Variants in RNF125 observed in about 807,000 individuals in gnomAD.
RNF125 encodes ring finger protein 125.
RNF125 carries 21 observed loss-of-function variants against 26.0 expected under a neutral mutation model. The ratio of observed to expected loss-of-function variants is 0.81; its 90% CI spans 0.57 to 1.16. The LOEUF is 1.16. Ranked by LOEUF, RNF125 falls within the 50% of genes most tolerant of loss-of-function variation. The pLI is 0.00. For synonymous variants in RNF125, 95 were observed against 109.2 expected (o/e 0.87, Z 0.81); for missense variants, 270 against 299.4 (o/e 0.90, Z 0.72).
downstream of RNF125, among the ~76,000 whole-genome samples, chr18:32,076,523 C>T (rs116217567): frequency 6.4e-3 from 970 of 152,142 alleles, 14 homozygotes; most frequent in African/African-American, 0.023. Context: ...CACTATGTTG[C>T]CCAGGTTGGT....
At chr18:32,073,816 TG>T (rs1309653575), downstream of RNF125, among the ~76,000 whole-genome samples, 1 of 152,238 alleles carries the variant, frequency 6.6e-6, no homozygotes, top group Admixed American at 6.5e-5. Flanking sequence ...CCAGATCAGT[TG>T]AGAAGATTTA....
chr18:32,033,260 T>C (rs2144452628), intron 1 of RNF125, among the ~76,000 whole-genome samples: 1 of 152,282 alleles, frequency 6.6e-6, no homozygotes, highest in Non-Finnish European at 1.5e-5. Flanking sequence ...GTGTCTGTGT[T>C]TGTCAAAGTC....
the RNF125 span, among the ~76,000 whole-genome samples, chr18:32,082,183 A>G: frequency 6.6e-6 from 1 of 152,236 alleles, no homozygotes; most frequent in African/African-American, 2.4e-5. Flanking sequence ...TTGGACTGGT[A>G]TTCAGTACAT....
chr18:32,063,969 T>TG (rs1491394484), intron 4 of RNF125, among the ~76,000 whole-genome samples: 4 of 141,682 alleles, frequency 2.8e-5, no homozygotes, highest in African/African-American at 1.0e-4. Context: ...GGTCTGTATC[T>TG]TTTTTTTTTT....
At chr18:32,087,322 C>T in the RNF125 span, among the ~76,000 whole-genome samples, 1 of 150,840 alleles carries the variant, frequency 6.6e-6, no homozygotes, top group Non-Finnish European at 1.5e-5. Flanking sequence ...GTGCACTGCT[C>T]CAGCAAATTA....
At chr18:32,082,665 C>T in the RNF125 span, among the ~76,000 whole-genome samples, 29 of 152,320 alleles carry the variant, frequency 1.9e-4, no homozygotes, top group East Asian at 3.7e-3. Context: ...AATTTAGCAG[C>T]CCTGCTGACC....
chr18:32,048,481 T>G (rs1020588549), intron 4 of RNF125, among the ~76,000 whole-genome samples: 1 of 146,062 alleles, frequency 6.8e-6, no homozygotes, highest in South Asian at 2.2e-4. Context: ...AGAGAGAAAA[T>G]CCTCACAGCA....
At chr18:32,079,227 G>C in the RNF125 span, among the ~76,000 whole-genome samples, 1 of 152,172 alleles carries the variant, frequency 6.6e-6, no homozygotes, top group Non-Finnish European at 1.5e-5. Context: ...GGTGGGGAGG[G>C]AGAGAAAGAG....
At chr18:32,060,429 T>C (rs2039424050) in intron 4 of RNF125, among the ~76,000 whole-genome samples, 1 of 152,206 alleles carries the variant, frequency 6.6e-6, no homozygotes, top group Non-Finnish European at 1.5e-5. Context: ...TTCAATTCTT[T>C]GAAGTTGGTA....
In RNF125 at chr18:32,051,691, TTTC is replaced by T. The variant is rs2039329699; in HGVS notation, c.504+5962_504+5964del. Among the ~76,000 whole-genome samples the T allele has an allele frequency of 5.0e-5, 4 of 80,280 alleles. No individual in the cohort carries two copies. The South Asian group carries it at 1.2e-3, about 23-fold the overall frequency. The allele number at this position is 80,280 out of a possible 152,430, so 52.7% of individuals were successfully genotyped here. On this transcript the variant is annotated intron_variant, in intron 4 of 5. Coordinates refer to ENST00000217740, the MANE Select transcript of RNF125 (RefSeq NM_017831.4). ...GGGTTCCAGTGAGTTCTATATTTTC[TTTC>T]TTTTTTTTTTTTTTTGTTTGAGATA...
chr18:32,026,255 T>TC (rs1331697047), intron 1 of RNF125, among the ~76,000 whole-genome samples: 1 of 140,424 alleles, frequency 7.1e-6, no homozygotes, highest in Non-Finnish European at 1.5e-5. Context: ...TTTTTTTTTT[T>TC]TTTTTTTTTT....
At chr18:32,032,657 G>A (rs1448174737) in intron 1 of RNF125, among the ~76,000 whole-genome samples, 2 of 151,878 alleles carry the variant, frequency 1.3e-5, no homozygotes, top group African/African-American at 4.8e-5. Context: ...TTTCAAACTC[G>A]CTTCTTCAAT....
At chr18:32,045,778 A>T (rs371301706) in intron 4 of RNF125, 46 bp downstream of exon 4, 4 of 1,175,818 alleles carry the variant, frequency 3.4e-6, no homozygotes, top group Non-Finnish European at 3.8e-6. Flanking sequence ...TGAATTCAGG[A>T]CACATTAGGA....
chr18:32,057,016 A>G (rs1286365238), intron 4 of RNF125, among the ~76,000 whole-genome samples: 1 of 152,216 alleles, frequency 6.6e-6, no homozygotes, highest in Non-Finnish European at 1.5e-5. Flanking sequence ...CCTCCCTCTC[A>G]AGGTGATAAG....
intron 3 of RNF125, among the ~76,000 whole-genome samples, chr18:32,044,725 G>A (rs979311099): frequency 2.6e-5 from 4 of 151,966 alleles, no homozygotes; most frequent in African/African-American, 7.3e-5. Flanking sequence ...CTCCCTTTCC[G>A]AATTCACATA....
In RNF125 at chr18:32,037,139, C is replaced by G; in HGVS notation, c.188C>G (p.Thr63Ser). ...AGATTCTGCCGTTCCTGTATTGCTACCAGTCTAAAGAACAACAAGTGGACC... is the reference window on the plus strand; with the variant it reads ...AGATTCTGCCGTTCCTGTATTGCTAGCAGTCTAAAGAACAACAAGTGGACC... ...GHVFCRSCIA[T>S]SLKNNKWTCP... Residue 63 changes from threonine (T) to serine (S), a missense_variant, in exon 2 of 6, where the codon ACC becomes AGC. By Grantham distance (58) the Thr-to-Ser change is moderately conservative. Transcript: ENST00000217740. The G allele has an allele frequency of 6.2e-7, 1 of 1,604,422 alleles. No homozygotes were observed.
intron 3 of RNF125, among the ~76,000 whole-genome samples, chr18:32,045,126 A>T (rs1400447813): frequency 6.6e-6 from 1 of 151,638 alleles, no homozygotes; most frequent in African/African-American, 2.4e-5. Context: ...TCCAAAAAAA[A>T]AAAATAGAAA....
intron 4 of RNF125, among the ~76,000 whole-genome samples, chr18:32,048,892 T>C (rs1373165170): frequency 1.3e-5 from 2 of 152,162 alleles, no homozygotes; most frequent in Non-Finnish European, 2.9e-5. Context: ...GATGGAATGA[T>C]AGTGACTACT....
chr18:32,056,429 T>C (rs1468052466), intron 4 of RNF125, among the ~76,000 whole-genome samples: 1 of 151,804 alleles, frequency 6.6e-6, no homozygotes, highest in Admixed American at 6.6e-5. Context: ...CTGACCAATA[T>C]AGAGAAACCA....
Sources: allele counts gnomAD v4.1 joint callset (sites outside exome capture counted in the v4.1 genomes callset), GRCh38; gene constraint gnomAD v4.1.1; transcripts MANE v1.5; gene names NCBI Gene and HGNC (gene_info 2026-07-23, HGNC 2026-07-21).